The following CAMSAP2 variants were observed in gnomAD, a reference collection of about 807,000 sequenced individuals.
CAMSAP2 encodes calmodulin regulated spectrin associated protein family member 2, also known as calmodulin-regulated spectrin-associated protein 2.
CAMSAP2 carries 26 observed loss-of-function variants against 146.1 expected under a neutral mutation model. The observed-to-expected ratio is 0.18, with a 90% CI of 0.13 to 0.25. The LOEUF is 0.25. CAMSAP2 is among the 10% of genes least tolerant of loss of function. CAMSAP2 has a pLI of 1.00. For missense variants in CAMSAP2, 1,381 were observed against 1,759.3 expected (o/e 0.78, Z 3.85); for synonymous variants, 499 against 596.6 (o/e 0.84, Z 2.38).
At chr1:200,831,627 AG>A (rs1434747323) in intron 4 of CAMSAP2, among the ~76,000 whole-genome samples, 1 of 151,656 alleles carries the variant, frequency 6.6e-6, no homozygotes, top group African/African-American at 2.4e-5. Context: ...CTAAGTTGGA[AG>A]GGTTTTTTTT....
In CAMSAP2 at chr1:200,857,348, A is replaced by T; in HGVS notation, c.4055A>T (p.His1352Leu). The change falls in exon 16 of 17, where the codon CAC becomes CTC. Residue 1352 changes from histidine to leucine, a missense_variant. Physicochemically the swap from His to Leu is moderately conservative, Grantham distance 99. Coordinates refer to ENST00000358823, the MANE Select transcript of CAMSAP2 (RefSeq NM_203459.4). This position sits in a 1 kb window ranked among gnomAD's most constrained non-coding sequence, Gnocchi z 4.7. ...YKEPSAKSNK[H>L]IIQNALAHCC... ...GAACCCAGTGCAAAATCCAATAAGC[A>T]CATAATACAAAATGCTTTAGCTCAT... is the stretch of plus-strand genomic sequence containing the variant. 1 of 1,613,788 alleles carries T rather than the reference A, an allele frequency of 6.2e-7. No individual in the cohort carries two copies. Among genetic ancestry groups the T allele is most frequent in the Non-Finnish European group, 8.5e-7 (1 of 1,179,776 alleles).
intron 1 of CAMSAP2, among the ~76,000 whole-genome samples, chr1:200,749,521 A>C (rs1163999808): frequency 2.0e-5 from 3 of 152,224 alleles, no homozygotes; most frequent in Non-Finnish European, 2.9e-5. Flanking sequence ...TATTTAATAC[A>C]TAGGTGCCTC....
At chr1:200,777,321 A>G (rs1665308349) in intron 2 of CAMSAP2, among the ~76,000 whole-genome samples, 1 of 152,198 alleles carries the variant, frequency 6.6e-6, no homozygotes, top group South Asian at 2.1e-4. Flanking sequence ...CCCTTGAGCC[A>G]ACTTTGTAAT....
chr1:200,837,029 A>G (rs1190648597), intron 6 of CAMSAP2, among the ~76,000 whole-genome samples: 5 of 145,174 alleles, frequency 3.4e-5, no homozygotes, highest in African/African-American at 7.9e-5. Flanking sequence ...ATTTTCTCCC[A>G]TTCTATAAGC....
In CAMSAP2 at chr1:200,857,436, T is replaced by G; in HGVS notation, c.4131+12T>G. The G allele has an allele frequency of 1.5e-5, 23 of 1,565,954 alleles. No homozygotes were observed. Among genetic ancestry groups the G allele is most frequent in the Non-Finnish European group, 2.0e-5 (23 of 1,136,684 alleles). On this transcript the variant is annotated intron_variant, in intron 16 of 16. Coordinates refer to ENST00000358823, the MANE Select transcript of CAMSAP2 (RefSeq NM_203459.4). This position sits in a 1 kb window ranked among gnomAD's most constrained non-coding sequence, Gnocchi z 4.7. ...AAAAAATACTGGAGGTAAGCATGTT[T>G]GCATGAAAATTAAATTTGGCAAACT...
At position 200,858,088 on chromosome 1, in the gene CAMSAP2, T is replaced by A; in HGVS notation, c.*29T>A. On this transcript the variant is annotated 3_prime_UTR_variant, in exon 17 of 17. Coordinates refer to ENST00000358823, the MANE Select transcript of CAMSAP2 (RefSeq NM_203459.4). ...TTGGGAAATACTTGCTTCAGAACAT[T>A]CATGGTAAATTTGCACTTCATCTTT... 1 of 1,517,258 alleles carries A rather than the reference T, an allele frequency of 6.6e-7. No homozygotes were observed. Among genetic ancestry groups the A allele is most frequent in the African/African-American group, 1.4e-5 (1 of 71,514 alleles). The allele number at this position is 1,517,258 out of a possible 1,614,324, so 94.0% of individuals were successfully genotyped here. A position where few individuals can be genotyped will look rare whatever the true frequency, so the allele number is the denominator to read the frequency against.
In CAMSAP2 at chr1:200,857,445, AT is replaced by A; in HGVS notation, c.4131+23del. 6.5e-7 allele frequency: 1 copy of A among 1,541,630 alleles called. No homozygotes were observed. Among genetic ancestry groups the A allele is most frequent in the Non-Finnish European group, 9.0e-7 (1 of 1,114,710 alleles). ...TGGAGGTAAGCATGTTTGCATGAAA[AT>A]TAAATTTGGCAAACTGTAGAAGTCT... On this transcript the variant is annotated intron_variant, in intron 16 of 16. Coordinates refer to ENST00000358823, the MANE Select transcript of CAMSAP2 (RefSeq NM_203459.4). The surrounding 1 kb of genome is among the most constrained non-coding windows in gnomAD (Gnocchi z 4.7).
At chr1:200,784,490 T>A (rs1021049516) in intron 2 of CAMSAP2, among the ~76,000 whole-genome samples, 1 of 152,232 alleles carries the variant, frequency 6.6e-6, no homozygotes, top group Non-Finnish European at 1.5e-5. Flanking sequence ...GAGATTCATA[T>A]GCACTTTGTT....
intron 4 of CAMSAP2, among the ~76,000 whole-genome samples, chr1:200,828,249 T>C (rs573944066): frequency 6.6e-6 from 1 of 152,142 alleles, no homozygotes; most frequent in Non-Finnish European, 1.5e-5. Flanking sequence ...TTTTGTGATA[T>C]AGATTTATTT....
intron 4 of CAMSAP2, among the ~76,000 whole-genome samples, chr1:200,817,074 G>T (rs1468929490): frequency 7.3e-6 from 1 of 137,696 alleles, no homozygotes. Flanking sequence ...ACGTATATAT[G>T]TGTATACACA....
chr1:200,814,111 A>G (rs1302869414), intron 3 of CAMSAP2, among the ~76,000 whole-genome samples: 1 of 74,872 alleles, frequency 1.3e-5, no homozygotes, highest in African/African-American at 7.3e-5. Context: ...GTGTTTCCAA[A>G]AAAAAAAAAA....
Position 200,793,942 on chromosome 1 carries a change from G to C in CAMSAP2, c.400-13434G>C, listed in dbSNP as rs1665818652. On this transcript the variant is annotated intron_variant, in intron 2 of 16. Coordinates refer to ENST00000358823, the MANE Select transcript of CAMSAP2 (RefSeq NM_203459.4). ...CCACAATTAACCTAGGAATTAAAAA[G>C]GTAAGCAGAAACAACTTATTCTGTG... Among the ~76,000 whole-genome samples, 3 of 152,110 alleles carry C rather than the reference G, an allele frequency of 2.0e-5. No individual in the cohort carries two copies. The South Asian group carries it at 6.2e-4, about 31-fold the overall frequency.
Position 200,859,941 on chromosome 1 carries a change from A to G in CAMSAP2, c.*1882A>G, listed in dbSNP as rs1399662535. On this transcript the variant is annotated 3_prime_UTR_variant, in exon 17 of 17. Coordinates refer to ENST00000358823, the MANE Select transcript of CAMSAP2 (RefSeq NM_203459.4). ...ACTAAATTTGTTCATTTCAATATTAACTAAATTTCCCTCATCAAAGCAATC... is the reference window on the plus strand; with the variant it reads ...ACTAAATTTGTTCATTTCAATATTAGCTAAATTTCCCTCATCAAAGCAATC... The G allele has an allele frequency of 6.6e-6, 1 of 152,630 alleles. No individual in the cohort carries two copies. The highest frequency in any genetic ancestry group is 1.5e-5 in the Non-Finnish European group (1 of 67,976). The allele number at this position is 152,630 out of a possible 1,614,324, so 9.5% of individuals were successfully genotyped here.
intron 1 of CAMSAP2, among the ~76,000 whole-genome samples, chr1:200,752,834 G>A (rs1192682648): frequency 6.6e-6 from 1 of 151,852 alleles, no homozygotes; most frequent in Non-Finnish European, 1.5e-5. Flanking sequence ...AGCCAGGATG[G>A]TCTCGATCTC....
At chr1:200,755,223 A>G (rs775819272) in intron 1 of CAMSAP2, among the ~76,000 whole-genome samples, 2 of 152,244 alleles carry the variant, frequency 1.3e-5, no homozygotes, top group Non-Finnish European at 2.9e-5. Context: ...TATTGCTAAC[A>G]GTGTTATTTA....
At chr1:200,757,799 G>T (rs527552292) in intron 1 of CAMSAP2, among the ~76,000 whole-genome samples, 2 of 152,110 alleles carry the variant, frequency 1.3e-5, no homozygotes, top group Non-Finnish European at 1.5e-5. Context: ...TTGTATTCTT[G>T]AAACAGTCTT....
intron 1 of CAMSAP2, among the ~76,000 whole-genome samples, chr1:200,750,573 A>ATGTGTGTG (rs145051907): frequency 6.8e-6 from 1 of 146,662 alleles, no homozygotes; most frequent in Admixed American, 6.8e-5. Flanking sequence ...AAATGCCTGT[A>ATGTGTGTG]TGTGTGTGTG....
chr1:200,850,861 T>G (rs897827946), intron 11 of CAMSAP2, among the ~76,000 whole-genome samples: 1 of 152,166 alleles, frequency 6.6e-6, no homozygotes, highest in African/African-American at 2.4e-5. Context: ...TAGCTCCAAT[T>G]GAGTCTCTTT....
At chr1:200,745,011 A>T (rs934659065) in intron 1 of CAMSAP2, among the ~76,000 whole-genome samples, 3 of 152,222 alleles carry the variant, frequency 2.0e-5, no homozygotes, top group Admixed American at 2.0e-4. Flanking sequence ...TATTAAGTAT[A>T]TTAAACATGT....
Sources: gnomAD v4.1 joint callset for allele counts (sites outside exome capture counted in the v4.1 genomes callset) on GRCh38, gnomAD v4.1.1 for gene constraint, Gnocchi (gnomAD v3.1) non-coding constraint, MANE v1.5 for transcripts, NCBI Gene and HGNC (gene_info 2026-07-23, HGNC 2026-07-21) for gene names.